The following ABLIM3 variants were observed in gnomAD, a reference collection of about 807,000 sequenced individuals.
ABLIM3 encodes actin-binding LIM protein 3.
ABLIM3 carries 61 observed loss-of-function variants against 109.5 expected under a neutral mutation model. That is an observed-to-expected ratio of 0.56 (90% CI 0.45 to 0.69). ABLIM3 has a LOEUF of 0.69. ABLIM3 is among the 30% of genes least tolerant of loss of function. The pLI is 0.00. For missense variants in ABLIM3, 796 were observed against 889.5 expected (o/e 0.89, Z 1.34); for synonymous variants, 300 against 324.8 (o/e 0.92, Z 0.82).
At chr5:149,193,751 G>T (rs1757714305) in intron 3 of ABLIM3, among the ~76,000 whole-genome samples, 1 of 152,176 alleles carries the variant, frequency 6.6e-6, no homozygotes, top group Non-Finnish European at 1.5e-5. Flanking sequence ...ATTAAGGACA[G>T]ATAAAAAGAC....
chr5:149,238,901 G>C (rs949660563), intron 11 of ABLIM3, among the ~76,000 whole-genome samples: 1 of 124,840 alleles, frequency 8.0e-6, no homozygotes, highest in African/African-American at 2.8e-5. Flanking sequence ...CCAGTAGAGA[G>C]ACAAGGAAAG....
intron 7 of ABLIM3, among the ~76,000 whole-genome samples, chr5:149,214,872 T>C (rs1010812059): frequency 6.6e-6 from 1 of 152,212 alleles, no homozygotes; most frequent in African/African-American, 2.4e-5. Flanking sequence ...CCTGGTTTGC[T>C]GTTTTCGGTC....
chr5:149,163,705 A>G (rs1754584141), intron 2 of ABLIM3, among the ~76,000 whole-genome samples: 1 of 152,154 alleles, frequency 6.6e-6, no homozygotes, highest in Non-Finnish European at 1.5e-5. Flanking sequence ...CTATTGCCAA[A>G]TAAAGTCATA....
chr5:149,206,734 G>A (rs1170772926), intron 5 of ABLIM3, among the ~76,000 whole-genome samples: 1 of 152,166 alleles, frequency 6.6e-6, no homozygotes, highest in African/African-American at 2.4e-5. Flanking sequence ...AGGGCTGGAA[G>A]CAGTGCAGGG....
chr5:149,225,533 C>T (rs1237397827), intron 8 of ABLIM3, among the ~76,000 whole-genome samples: 3 of 152,116 alleles, frequency 2.0e-5, no homozygotes, highest in Non-Finnish European at 2.9e-5. Flanking sequence ...TTGGATCTAC[C>T]ACATTTTTTA....
intron 21 of ABLIM3, among the ~76,000 whole-genome samples, chr5:149,251,923 G>T (rs914435410): frequency 6.6e-6 from 1 of 152,206 alleles, no homozygotes; most frequent in African/African-American, 2.4e-5. Flanking sequence ...TCAGATCTCA[G>T]ATTCTTCTAA....
At chr5:149,245,977 A>G (rs1753316776) in intron 16 of ABLIM3, among the ~76,000 whole-genome samples, 1 of 152,154 alleles carries the variant, frequency 6.6e-6, no homozygotes, top group South Asian at 2.1e-4. Flanking sequence ...AGCCTGGACA[A>G]CATAGCACTT....
intron 2 of ABLIM3, among the ~76,000 whole-genome samples, chr5:149,170,228 TTC>T (rs10644957): frequency 0.032 from 3,994 of 124,548 alleles, 101 homozygotes; most frequent in African/African-American, 0.078. Context: ...AGGGTTCTGT[TTC>T]TCTCTCTCTC....
intron 3 of ABLIM3, among the ~76,000 whole-genome samples, chr5:149,189,056 T>C (rs1273957482): frequency 6.6e-6 from 1 of 152,206 alleles, no homozygotes; most frequent in Non-Finnish European, 1.5e-5. Context: ...CATAAACTTA[T>C]ATTTATGGTT....
At chr5:149,225,519 A>G (rs1761092279) in intron 8 of ABLIM3, among the ~76,000 whole-genome samples, 1 of 152,138 alleles carries the variant, frequency 6.6e-6, no homozygotes, top group Non-Finnish European at 1.5e-5. Context: ...ACAATATTCC[A>G]TTTTTGGATC....
At chr5:149,186,120 G>A (rs1756935868) in intron 3 of ABLIM3, among the ~76,000 whole-genome samples, 1 of 152,156 alleles carries the variant, frequency 6.6e-6, no homozygotes, top group Non-Finnish European at 1.5e-5. Context: ...TCCAACTTTG[G>A]CACTGAGTAG....
intron 3 of ABLIM3, among the ~76,000 whole-genome samples, chr5:149,186,079 G>A (rs1756930596): frequency 6.6e-6 from 1 of 152,186 alleles, no homozygotes; most frequent in Non-Finnish European, 1.5e-5. Context: ...AACTGGCTCT[G>A]GAGAGGGAGA....
chr5:149,161,026 A>G (rs575819424), intron 2 of ABLIM3, among the ~76,000 whole-genome samples: 5 of 152,012 alleles, frequency 3.3e-5, no homozygotes, highest in Non-Finnish European at 7.4e-5. Context: ...CTTCCCAATA[A>G]TCAGACCACC....
chr5:149,250,812 A>G (rs1753848324), intron 20 of ABLIM3, among the ~76,000 whole-genome samples: 1 of 152,122 alleles, frequency 6.6e-6, no homozygotes, highest in South Asian at 2.1e-4. Flanking sequence ...AGTTACTATC[A>G]TTTACCCTAC....
rs1200833676 is a variant in ABLIM3, at chr5:149,258,292, G to T, written c.1940G>T (p.Arg647Leu). Residue 647 changes from arginine to leucine, a missense_variant and splice_region_variant, in exon 24 of 24, where the codon CGC (arginine) becomes CTC (leucine). Transcript: ENST00000309868. ...PKDVDRTRLE[R>L]HLSQEEFYQV... ...CCCCGCCTGCCCTGCCTCCTTCAGC[G>T]CCACCTGTCCCAGGAAGAGTTCTAC... is the stretch of plus-strand genomic sequence containing the variant. 4 of 1,607,000 alleles carry T rather than the reference G, an allele frequency of 2.5e-6. No homozygotes were observed. The East Asian group carries it at 6.7e-5, about 27-fold the overall frequency.
chr5:149,144,948 T>C (rs552936284), intron 2 of ABLIM3, among the ~76,000 whole-genome samples: 2 of 152,358 alleles, frequency 1.3e-5, no homozygotes, highest in African/African-American at 4.8e-5. Context: ...GCCCTCAGTG[T>C]AGGCAGGTTT....
chr5:149,142,164 G>A (rs988677978), intron 2 of ABLIM3, 56 bp downstream of exon 2: 3 of 1,578,694 alleles, frequency 1.9e-6, no homozygotes, highest in Non-Finnish European at 2.6e-6. Flanking sequence ...CGGGAGGTGA[G>A]GGAGCCTGCG....
At chr5:149,230,609 T>C in intron 8 of ABLIM3, 40 bp from the exon 9 acceptor site, 2 of 1,610,114 alleles carry the variant, frequency 1.2e-6, no homozygotes, top group Middle Eastern at 1.7e-4. Context: ...GCTGGAGGGT[T>C]TGAAAGGTCT....
At position 149,237,676 on chromosome 5, in the gene ABLIM3, A is replaced by G. The variant is rs886706088; in HGVS notation, c.1044+73A>G. On this transcript the variant is annotated intron_variant, in intron 11 of 23. Coordinates refer to ENST00000309868, the MANE Select transcript of ABLIM3 (RefSeq NM_014945.5). ...TGCTCTGGGGTCCCCAGCCCTCTCC[A>G]TCACAGACAGTTTGGCCTCCACAAT... 1.9e-6 allele frequency: 3 copies of G among 1,578,650 alleles called. No homozygotes were observed. The African/African-American group carries it at 4.1e-5, about 21-fold the overall frequency.
Sources: allele counts gnomAD v4.1 joint callset (sites outside exome capture counted in the v4.1 genomes callset), GRCh38; gene constraint gnomAD v4.1.1; transcripts MANE v1.5; gene names NCBI Gene and HGNC (gene_info 2026-07-23, HGNC 2026-07-21).